UBE2F: variants seen among roughly 807,000 people sequenced by gnomAD.
UBE2F encodes the protein NEDD8-conjugating enzyme UBE2F.
In UBE2F, 5 loss-of-function variants were observed where a neutral mutation model predicts 29.6. The ratio of observed to expected loss-of-function variants is 0.17; its 90% CI spans 0.09 to 0.36. The LOEUF is 0.36. UBE2F is among the 10% of genes least tolerant of loss of function. The pLI is 1.00. For synonymous variants in UBE2F, 66 were observed against 81.8 expected (o/e 0.81, Z 1.04); for missense variants, 141 against 228.5 (o/e 0.62, Z 2.47).
intron 5 of UBE2F, among the ~76,000 whole-genome samples, chr2:238,024,834 G>C (rs1489001458): frequency 6.6e-6 from 1 of 152,188 alleles, no homozygotes; most frequent in Non-Finnish European, 1.5e-5. Flanking sequence ...CTAGGAAAAC[G>C]TATGTGACAA....
At chr2:237,981,621 T>C (rs1374001632) in intron 2 of UBE2F, among the ~76,000 whole-genome samples, 2 of 123,166 alleles carry the variant, frequency 1.6e-5, no homozygotes, top group East Asian at 4.5e-4. Context: ...ATTCTTTTTT[T>C]TTTTTTTTTT....
chr2:237,974,717 G>A (rs2063244361), intron 2 of UBE2F, among the ~76,000 whole-genome samples: 1 of 151,732 alleles, frequency 6.6e-6, no homozygotes. Flanking sequence ...GTTTCGCCAC[G>A]TTGGCCAGGC....
At chr2:238,039,189 C>G (rs2064786431) in intron 9 of UBE2F, among the ~76,000 whole-genome samples, 1 of 152,216 alleles carries the variant, frequency 6.6e-6, no homozygotes, top group Admixed American at 6.5e-5. Flanking sequence ...GAACTGAGAT[C>G]ACGCCATTGC....
intron 5 of UBE2F, among the ~76,000 whole-genome samples, chr2:238,022,108 CA>C (rs1272431471): frequency 6.6e-6 from 1 of 152,034 alleles, no homozygotes; most frequent in African/African-American, 2.4e-5. Flanking sequence ...TTGTTGTTGC[CA>C]TTTTGGGAGG....
intron 8 of UBE2F, chr2:238,035,211 C>G (rs1482958087): frequency 6.6e-6 from 1 of 152,548 alleles, no homozygotes; most frequent in Non-Finnish European, 1.5e-5. Flanking sequence ...CCCTGATTCT[C>G]AACAAGAGGG....
intron 4 of UBE2F, among the ~76,000 whole-genome samples, chr2:238,014,887 C>G (rs2064118865): frequency 1.3e-5 from 2 of 152,076 alleles, no homozygotes; most frequent in Non-Finnish European, 1.5e-5. Flanking sequence ...TAAAAATTTC[C>G]CCAAACAAGT....
intron 2 of UBE2F, among the ~76,000 whole-genome samples, chr2:237,976,712 G>A (rs1324547538): frequency 6.6e-6 from 1 of 152,180 alleles, no homozygotes; most frequent in Non-Finnish European, 1.5e-5. Context: ...CTTCCCTAGA[G>A]GCCCCACCTC....
rs1289647714 is a variant in UBE2F at position 238,006,227 on chromosome 2, CTT to C, written c.215-10336_215-10335del. Among the ~76,000 whole-genome samples the C allele has an allele frequency of 5.9e-5, 9 of 152,158 alleles. No individual in the cohort carries two copies. In the East Asian group the frequency reaches 1.7e-3, roughly 29 times the overall value. On this transcript the variant is annotated intron_variant, in intron 4 of 9. Coordinates refer to ENST00000272930, the MANE Select transcript of UBE2F (RefSeq NM_080678.3). ...AGAGGGAGCAAAAGAGATGCAGACT[CTT>C]TTAAACAACCAACTCTTGCATGAAC...
Position 238,021,027 on chromosome 2 carries a change from C to G in UBE2F, c.283-4315C>G, listed in dbSNP as rs1371995652. ...CTTGGAGGAGGAGAGAGCCTTAGCCCAGACCCTAGCTGGCCTGTGGTGTCA... is the reference window on the plus strand; with the variant it reads ...CTTGGAGGAGGAGAGAGCCTTAGCCGAGACCCTAGCTGGCCTGTGGTGTCA... On this transcript the variant is annotated intron_variant, in intron 5 of 9. Coordinates refer to ENST00000272930, the MANE Select transcript of UBE2F (RefSeq NM_080678.3). 2.6e-5 allele frequency among the ~76,000 whole-genome samples: 4 copies of G among 152,164 alleles called. No individual in the cohort carries two copies. The South Asian group carries it at 8.3e-4, about 32-fold the overall frequency.
chr2:238,021,787 A>C lies in UBE2F; in HGVS notation c.283-3555A>C, dbSNP rs148418441. On this transcript the variant is annotated intron_variant, in intron 5 of 9. Coordinates refer to ENST00000272930, the MANE Select transcript of UBE2F (RefSeq NM_080678.3). The stretch of plus-strand genomic sequence containing the variant: ...ATAACCTTTTAGAAATGTAAAAACC[A>C]GTCTTTGACCATGTGAAAACAGTCC... Among the ~76,000 whole-genome samples, 402 of 152,368 alleles carry C rather than the reference A, an allele frequency of 2.6e-3. 1 individual carries two copies. The highest frequency in any genetic ancestry group is 9.3e-3 in the African/African-American group (386 of 41,580).
chr2:238,012,512 A>G (rs1173006132), intron 4 of UBE2F, among the ~76,000 whole-genome samples: 1 of 152,222 alleles, frequency 6.6e-6, no homozygotes, highest in Admixed American at 6.5e-5. Context: ...TAATATGTAT[A>G]CCAATGTAGT....
At chr2:238,006,443 A>G (rs1211145921) in intron 4 of UBE2F, among the ~76,000 whole-genome samples, 1 of 152,224 alleles carries the variant, frequency 6.6e-6, no homozygotes, top group Non-Finnish European at 1.5e-5. Context: ...CTTCTAATCC[A>G]TGAACATGGT....
At position 237,982,961 on chromosome 2, in the gene UBE2F, G is replaced by C. The variant is rs548643840; in HGVS notation, c.119-5002G>C. Among the ~76,000 whole-genome samples the C allele has an allele frequency of 7.2e-5, 11 of 152,108 alleles. No homozygotes were observed. The South Asian group carries it at 2.3e-3, about 32-fold the overall frequency. ...GAAGAATAATGGTAAACCTTTCCTA[G>C]GATCACCATCATTATATTTTGTTAA... On this transcript the variant is annotated intron_variant, in intron 2 of 9. Coordinates refer to ENST00000272930, the MANE Select transcript of UBE2F (RefSeq NM_080678.3). The surrounding 1 kb of genome is among the most constrained non-coding windows in gnomAD (Gnocchi z 4.1).
Position 237,982,476 on chromosome 2 carries a change from C to T in UBE2F, c.119-5487C>T, listed in dbSNP as rs1486173552. ...GGCCCCTCTGCTTGCAATCCACAGT[C>T]GCTTACCATGCCGTCTGGACACATT... On this transcript the variant is annotated intron_variant, in intron 2 of 9. Coordinates refer to ENST00000272930, the MANE Select transcript of UBE2F (RefSeq NM_080678.3). The surrounding 1 kb of genome is among the most constrained non-coding windows in gnomAD (Gnocchi z 4.1). 3.3e-5 allele frequency among the ~76,000 whole-genome samples: 5 copies of T among 152,160 alleles called. No individual in the cohort carries two copies. Among genetic ancestry groups the T allele is most frequent in the African/African-American group, 7.2e-5 (3 of 41,438 alleles).
At chr2:238,001,298 G>A (rs1486534001) in intron 4 of UBE2F, among the ~76,000 whole-genome samples, 1 of 152,100 alleles carries the variant, frequency 6.6e-6, no homozygotes, top group African/African-American at 2.4e-5. Flanking sequence ...CTCCCAAAGT[G>A]CTGGGATTAC....
rs143959755 is a variant in UBE2F at position 238,041,545 on chromosome 2, T to C, written c.*207T>C. The C allele has an allele frequency of 4.4e-4, 237 of 541,410 alleles. No homozygotes were observed. The highest frequency in any genetic ancestry group is 3.6e-3 in the African/African-American group (188 of 52,780). 33.5% of individuals were successfully genotyped at this position (541,410 alleles called of 1,614,324 possible). On this transcript the variant is annotated 3_prime_UTR_variant, in exon 10 of 10. Transcript: ENST00000272930. ...TCAACATAAATACAGCAAGAAAATG[T>C]GTTTGGGCTTCTGAAGAGTTGTCTG...
At chr2:237,973,586 G>C in intron 2 of UBE2F, 4 of 909,474 alleles carry the variant, frequency 4.4e-6, no homozygotes, top group Non-Finnish European at 6.3e-6. Flanking sequence ...CATAGTTTCT[G>C]CTCTGTAAAG....
intron 6 of UBE2F, 114 bp from the exon 7 acceptor site, chr2:238,030,442 T>C (rs760875472): frequency 4.3e-6 from 3 of 699,484 alleles, no homozygotes; most frequent in South Asian, 3.3e-5. Flanking sequence ...GAGGAAAAGA[T>C]GGGTTTAATA....
Position 238,032,206 on chromosome 2 carries a change from T to C in UBE2F, c.412-16T>C, listed in dbSNP as rs2064597705. On this transcript the variant is annotated splice_polypyrimidine_tract_variant and intron_variant, in intron 7 of 9. Transcript: ENST00000272930. ...TTTGGCTTAAAACTTGTTTTCTGTT[T>C]TCTTTTTTATTTCAGGATGTCGTTT... is the stretch of plus-strand genomic sequence containing the variant. The C allele has an allele frequency of 6.8e-6, 11 of 1,611,842 alleles. No individual in the cohort carries two copies. The highest frequency in any genetic ancestry group is 9.3e-6 in the Non-Finnish European group (11 of 1,178,144).
Sources: allele counts gnomAD v4.1 joint callset (sites outside exome capture counted in the v4.1 genomes callset), GRCh38; gene constraint gnomAD v4.1.1; non-coding constraint Gnocchi (gnomAD v3.1); transcripts MANE v1.5; gene names NCBI Gene and HGNC (gene_info 2026-07-23, HGNC 2026-07-21).